The following SLC9A2 variants were observed in gnomAD, a reference collection of about 807,000 sequenced individuals.
SLC9A2 encodes the protein solute carrier family 9 member A2.
Under a neutral mutation model 71.7 loss-of-function variants are expected in SLC9A2, and 42 were observed. The ratio of observed to expected loss-of-function variants is 0.59; its 90% CI spans 0.46 to 0.76. The LOEUF (loss-of-function observed/expected upper bound fraction) is 0.76, where lower values mean the gene tolerates loss of function less well. Among genes scored for constraint, SLC9A2 ranks in the 30% least tolerant of loss-of-function variants. SLC9A2 has a pLI of 0.00. For synonymous variants in SLC9A2, 396 were observed against 392.5 expected, an observed-to-expected ratio of 1.01 and a Z score of -0.10; for missense variants, 829 against 1,017.4, an observed-to-expected ratio of 0.81 and a Z score of 2.52.
At chr2:102,621,350 G>T (rs62154732) in intron 1 of SLC9A2, among the ~76,000 whole-genome samples, 1 of 77,294 alleles carries the variant, frequency 1.3e-5, no homozygotes, top group African/African-American at 4.0e-5. Flanking sequence ...CCTTGTCTCA[G>T]GGAAAAAAAA....
intron 11 of SLC9A2, among the ~76,000 whole-genome samples, chr2:102,707,849 G>T (rs1678010848): frequency 6.6e-6 from 1 of 152,150 alleles, no homozygotes; most frequent in Non-Finnish European, 1.5e-5. Context: ...AGACAAAATG[G>T]GCTAATGCAT....
At chr2:102,670,270 C>T (rs1677220702) in intron 3 of SLC9A2, among the ~76,000 whole-genome samples, 1 of 151,852 alleles carries the variant, frequency 6.6e-6, no homozygotes, top group Non-Finnish European at 1.5e-5. Flanking sequence ...CCCACCTCGG[C>T]CTCCCAAAGT....
At chr2:102,687,990 G>A (rs553302671) in intron 5 of SLC9A2, among the ~76,000 whole-genome samples, 2 of 152,142 alleles carry the variant, frequency 1.3e-5, no homozygotes, top group South Asian at 4.2e-4. Flanking sequence ...GTGTTCGCCA[G>A]GCTGGTCTTG....
intron 3 of SLC9A2, among the ~76,000 whole-genome samples, chr2:102,679,303 A>G (rs1436703645): frequency 6.6e-6 from 1 of 152,198 alleles, no homozygotes; most frequent in Non-Finnish European, 1.5e-5. Flanking sequence ...TAAGGATACA[A>G]AGCAATGGAA....
At chr2:102,687,369 C>A (rs1677566554) in intron 5 of SLC9A2, among the ~76,000 whole-genome samples, 1 of 152,094 alleles carries the variant, frequency 6.6e-6, no homozygotes, top group Non-Finnish European at 1.5e-5. Flanking sequence ...TTCCAGAATA[C>A]ATCAATAATT....
At chr2:102,653,484 T>C (rs1676874565) in intron 1 of SLC9A2, among the ~76,000 whole-genome samples, 1 of 152,222 alleles carries the variant, frequency 6.6e-6, no homozygotes, top group African/African-American at 2.4e-5. Context: ...TTTTGCCATG[T>C]TTTATTTGCT....
At chr2:102,640,355 C>T (rs944464596) in intron 1 of SLC9A2, among the ~76,000 whole-genome samples, 2 of 152,200 alleles carry the variant, frequency 1.3e-5, no homozygotes, top group Admixed American at 6.5e-5. Context: ...CACCTGGAGT[C>T]GGGAGAGAAT....
At chr2:102,684,569 G>A (rs1037623089) in intron 5 of SLC9A2, among the ~76,000 whole-genome samples, 2 of 152,176 alleles carry the variant, frequency 1.3e-5, no homozygotes, top group African/African-American at 4.8e-5. Context: ...ACTAAACTAA[G>A]CGCTCTAATC....
chr2:102,631,406 A>G (rs1676354178), intron 1 of SLC9A2, among the ~76,000 whole-genome samples: 1 of 151,906 alleles, frequency 6.6e-6, no homozygotes, highest in African/African-American at 2.4e-5. Flanking sequence ...TCTCATCCTC[A>G]TGTAGGTGTT....
chr2:102,695,276 T>C (rs1292148108), intron 7 of SLC9A2, among the ~76,000 whole-genome samples, 163 bp downstream of exon 7: 1 of 152,214 alleles, frequency 6.6e-6, no homozygotes, highest in Non-Finnish European at 1.5e-5. Context: ...GGAATAATAG[T>C]AGCTTAAACA....
Position 102,657,966 on chromosome 2 carries a change from T to C in SLC9A2, c.692T>C (p.Val231Ala). 1 of 1,614,122 alleles carries C rather than the reference T, an allele frequency of 6.2e-7. No individual in the cohort carries two copies. The highest frequency in any genetic ancestry group is 8.5e-7 in the Non-Finnish European group (1 of 1,180,016). ...AVLAVFENIH[V>A]NEQLYILVFG... ...CTTGCTGTCTTTGAGAACATTCACG[T>C]CAATGAGCAGCTCTACATCCTGGTC... The change falls in exon 2 of 12, where the codon GTC becomes GCC. Residue 231 changes from valine (V) to alanine (A), a missense_variant. Val to Ala is a moderately conservative substitution (Grantham distance 64). Around this residue, in one of 3 missense-constraint regions of SLC9A2, gnomAD observed 500 missense variants for 726.3 expected, o/e 0.69. Coordinates refer to ENST00000233969, the MANE Select transcript of SLC9A2 (RefSeq NM_003048.6).
Position 102,619,763 on chromosome 2 carries a change from C to T in SLC9A2, c.-86C>T. ...CTGCCCTGCCCTGCACGGGGCAGGG[C>T]GGAGCGGGCTGAGCAGCCCGGGCGC... On this transcript the variant is annotated 5_prime_UTR_variant, in exon 1 of 12. Coordinates refer to ENST00000233969, the MANE Select transcript of SLC9A2 (RefSeq NM_003048.6). The surrounding 1 kb of genome is among the most constrained non-coding windows in gnomAD (Gnocchi z 4.3). 7.8e-7 allele frequency: 1 copy of T among 1,279,106 alleles called. No individual in the cohort carries two copies. Among genetic ancestry groups the T allele is most frequent in the Non-Finnish European group, 1.0e-6 (1 of 965,042 alleles). 79.2% of individuals were successfully genotyped at this position (1,279,106 alleles called of 1,614,324 possible).
At chr2:102,680,545 T>C (rs1260924258) in intron 3 of SLC9A2, among the ~76,000 whole-genome samples, 1 of 152,048 alleles carries the variant, frequency 6.6e-6, no homozygotes, top group Admixed American at 6.6e-5. Context: ...GAGCTCCTGC[T>C]AGCTTCTGTC....
rs10177397 is a variant in SLC9A2, at chr2:102,698,526, T to A, written c.1587-2544T>A. The stretch of plus-strand genomic sequence containing the variant: ...CGTCATTATTATTAAAGTGCATGAG[T>A]CAAGAGGCTGATTGGGGTTGGGCTT... On this transcript the variant is annotated intron_variant, in intron 7 of 11. Transcript: ENST00000233969. Among the ~76,000 whole-genome samples the A allele has an allele frequency of 5.0e-3, 754 of 152,212 alleles. 9 individuals carry two copies. The highest frequency in any genetic ancestry group is 0.017 in the African/African-American group (704 of 41,540).
chr2:102,674,863 T>G (rs1677320545), intron 3 of SLC9A2, among the ~76,000 whole-genome samples: 1 of 152,188 alleles, frequency 6.6e-6, no homozygotes, highest in Admixed American at 6.5e-5. Context: ...TTCCTTCTAG[T>G]TGGTTAGCCA....
intron 1 of SLC9A2, among the ~76,000 whole-genome samples, chr2:102,626,271 A>T (rs1676245076): frequency 6.6e-6 from 1 of 152,198 alleles, no homozygotes; most frequent in African/African-American, 2.4e-5. Flanking sequence ...AATACCACAT[A>T]TCTACAACTA....
At chr2:102,626,845 G>A (rs991199972) in intron 1 of SLC9A2, among the ~76,000 whole-genome samples, 2 of 152,152 alleles carry the variant, frequency 1.3e-5, no homozygotes, top group East Asian at 1.9e-4. Flanking sequence ...CTGGCCATCA[G>A]AGAAATAATA....
chr2:102,631,502 C>T (rs1442251856), intron 1 of SLC9A2, among the ~76,000 whole-genome samples: 1 of 152,004 alleles, frequency 6.6e-6, no homozygotes, highest in Non-Finnish European at 1.5e-5. Flanking sequence ...ACTGACATAT[C>T]TCATTTTGAT....
intron 1 of SLC9A2, among the ~76,000 whole-genome samples, chr2:102,625,098 AT>A (rs141236642): frequency 0.011 from 1,721 of 152,188 alleles, 29 homozygotes; most frequent in African/African-American, 0.04. Context: ...GGTGGCAGGT[AT>A]TGGTTCCTCG....
Sources: allele counts gnomAD v4.1 joint callset (sites outside exome capture counted in the v4.1 genomes callset), GRCh38; gene constraint gnomAD v4.1.1; regional missense constraint gnomAD v4.1.1; non-coding constraint Gnocchi (gnomAD v3.1); transcripts MANE v1.5; gene names NCBI Gene and HGNC (gene_info 2026-07-23, HGNC 2026-07-21).